The following NCOA2 variants were observed in gnomAD, a reference collection of about 807,000 sequenced individuals.
NCOA2 encodes the protein class E basic helix-loop-helix protein 75.
A neutral mutation model predicts 145.1 loss-of-function variants in NCOA2; 21 were observed. That is an observed-to-expected ratio of 0.14 (90% CI 0.10 to 0.21). NCOA2 has a LOEUF of 0.21. NCOA2 is among the 10% of genes least tolerant of loss of function. The pLI is 1.00. For missense variants in NCOA2, 1,472 were observed against 1,837.6 expected (o/e 0.80, Z 3.64); for synonymous variants, 619 against 637.5 (o/e 0.97, Z 0.44).
chr8:70,138,544 T>C (rs1223778645), intron 14 of NCOA2, among the ~76,000 whole-genome samples: 1 of 152,242 alleles, frequency 6.6e-6, no homozygotes, highest in Non-Finnish European at 1.5e-5. Context: ...AGACAAGCAG[T>C]TCTAAACCTT....
At chr8:70,195,597 G>T (rs1451506584) in intron 4 of NCOA2, among the ~76,000 whole-genome samples, 1 of 152,010 alleles carries the variant, frequency 6.6e-6, no homozygotes, top group Non-Finnish European at 1.5e-5. Flanking sequence ...CATTCATCTG[G>T]CTTTTGGCTT....
At chr8:70,148,817 A>G (rs867403206) in intron 11 of NCOA2, among the ~76,000 whole-genome samples, 3 of 152,202 alleles carry the variant, frequency 2.0e-5, no homozygotes, top group African/African-American at 7.2e-5. Flanking sequence ...ATAAGAATAT[A>G]TATTTCCAAT....
Position 70,301,559 on chromosome 8 carries a change from A to T in NCOA2, c.-76-4759T>A, listed in dbSNP as rs186795874. ...AGTCTCAGATACTCATGAGGCTGGG[A>T]TGGGAGGATCACTTGAGCCTACGGA... On this transcript the variant is annotated intron_variant, in intron 1 of 22. Transcript: ENST00000452400. 4.3e-3 allele frequency among the ~76,000 whole-genome samples: 618 copies of T among 142,432 alleles called. 4 individuals are homozygous for T. The highest frequency in any genetic ancestry group is 0.015 in the African/African-American group (582 of 39,052). 93.4% of individuals were successfully genotyped at this position (142,432 alleles called of 152,430 possible).
chr8:70,252,793 A>G (rs1441581066), intron 2 of NCOA2, among the ~76,000 whole-genome samples: 2 of 152,240 alleles, frequency 1.3e-5, no homozygotes, highest in Non-Finnish European at 2.9e-5. Context: ...GAATTGTCGA[A>G]GACAAAAGGC....
intron 2 of NCOA2, among the ~76,000 whole-genome samples, chr8:70,259,156 A>G (rs959757932): frequency 6.6e-6 from 1 of 152,132 alleles, no homozygotes; most frequent in African/African-American, 2.4e-5. Context: ...TTATTATCTC[A>G]ATAGCTGCTG....
chr8:70,214,434 T>TA (rs1328233072), intron 3 of NCOA2, among the ~76,000 whole-genome samples: 1 of 152,224 alleles, frequency 6.6e-6, no homozygotes, highest in Non-Finnish European at 1.5e-5. Flanking sequence ...TAAAGGAGGT[T>TA]ATATTTTAAA....
chr8:70,365,681 G>A (rs1209078181), intron 1 of NCOA2, among the ~76,000 whole-genome samples: 1 of 152,138 alleles, frequency 6.6e-6, no homozygotes, highest in African/African-American at 2.4e-5. Context: ...TTTTTAAAAT[G>A]CCTTATAAGT....
At chr8:70,296,442 T>C (rs1405125310) in intron 2 of NCOA2, among the ~76,000 whole-genome samples, 5 of 152,186 alleles carry the variant, frequency 3.3e-5, no homozygotes, top group Admixed American at 3.3e-4. Context: ...ATAATAAACA[T>C]TTTGTCAGGC....
intron 2 of NCOA2, among the ~76,000 whole-genome samples, chr8:70,232,997 C>A (rs974321906): frequency 1.3e-5 from 2 of 152,004 alleles, no homozygotes; most frequent in African/African-American, 4.8e-5. Flanking sequence ...GAGGCCAAGG[C>A]GGGCAGATCA....
intron 1 of NCOA2, among the ~76,000 whole-genome samples, chr8:70,401,219 TAA>T (rs1814212510): frequency 6.6e-6 from 1 of 152,212 alleles, no homozygotes; most frequent in Non-Finnish European, 1.5e-5. Context: ...CCTCTGTTCC[TAA>T]AAGTCAAGAG....
At chr8:70,274,258 G>A (rs73684264) in intron 2 of NCOA2, among the ~76,000 whole-genome samples, 1 of 148,256 alleles carries the variant, frequency 6.7e-6, no homozygotes, top group Non-Finnish European at 1.5e-5. Flanking sequence ...AAAGCAACAA[G>A]AAAAACTTGT....
chr8:70,333,410 C>T (rs1240456167), intron 1 of NCOA2, among the ~76,000 whole-genome samples: 2 of 152,228 alleles, frequency 1.3e-5, no homozygotes, highest in African/African-American at 4.8e-5. Context: ...ACTCTGCCAG[C>T]AATGGGCAGT....
chr8:70,311,278 G>T (rs761337345), intron 1 of NCOA2, among the ~76,000 whole-genome samples: 22 of 152,002 alleles, frequency 1.4e-4, no homozygotes, highest in Non-Finnish European at 2.6e-4. Context: ...AATAGGGTGG[G>T]GGAAAGTGGT....
chr8:70,190,477 A>C (rs1816559691), intron 4 of NCOA2, among the ~76,000 whole-genome samples: 1 of 152,242 alleles, frequency 6.6e-6, no homozygotes, highest in Admixed American at 6.5e-5. Context: ...CTTGATTTCC[A>C]AAAACAGAGA....
Position 70,249,977 on chromosome 8 carries a change from A to AAAG in NCOA2, c.-19-33216_-19-33214dup, listed in dbSNP as rs1554606850. 1.8e-3 allele frequency among the ~76,000 whole-genome samples: 252 copies of AAAG among 137,870 alleles called. 11 individuals carry two copies. The highest frequency in any genetic ancestry group is 3.7e-3 in the Middle Eastern group (1 of 268). The allele number at this position is 137,870 out of a possible 152,430, so 90.4% of individuals were successfully genotyped here. On this transcript the variant is annotated intron_variant, in intron 2 of 22. Transcript: ENST00000452400. ...GAATCTGCCTCCAAAAAAAAAAAAA[A>AAAG]AAGAAGAAGAAGAAGAAGAAGAAGA...
At chr8:70,259,245 C>T (rs964149624) in intron 2 of NCOA2, among the ~76,000 whole-genome samples, 12 of 152,132 alleles carry the variant, frequency 7.9e-5, no homozygotes, top group African/African-American at 1.7e-4. Context: ...CAATGGACTA[C>T]GCTGACAGAG....
intron 2 of NCOA2, among the ~76,000 whole-genome samples, chr8:70,292,799 C>G (rs970607947): frequency 6.6e-6 from 1 of 152,156 alleles, no homozygotes; most frequent in South Asian, 2.1e-4. Context: ...CTAAGCTAAC[C>G]GGTTCACACT....
chr8:70,401,887 A>G (rs1283649832), intron 1 of NCOA2: 2 of 152,274 alleles, frequency 1.3e-5, no homozygotes, highest in Admixed American at 1.3e-4. Flanking sequence ...AGTTACTGCC[A>G]CATCCTAAAG....
the NCOA2 span, among the ~76,000 whole-genome samples, chr8:70,456,416 G>A: frequency 1.3e-5 from 2 of 152,150 alleles, no homozygotes; most frequent in African/African-American, 2.4e-5. Flanking sequence ...GTCAAGCGCC[G>A]GACGTTGTTG....
Sources: allele counts gnomAD v4.1 joint callset (sites outside exome capture counted in the v4.1 genomes callset), GRCh38; gene constraint gnomAD v4.1.1; transcripts MANE v1.5; gene names NCBI Gene and HGNC (gene_info 2026-07-23, HGNC 2026-07-21).